KIAA0232: variants seen among roughly 807,000 people sequenced by gnomAD.
KIAA0232 encodes the protein uncharacterized protein KIAA0232.
Under a neutral mutation model 122.0 loss-of-function variants are expected in KIAA0232, and 27 were observed. The observed-to-expected ratio is 0.22, with a 90% CI of 0.16 to 0.31. The LOEUF (loss-of-function observed/expected upper bound fraction) is 0.31. Ranked by LOEUF, KIAA0232 falls within the 10% of genes least tolerant of loss-of-function variation. The pLI is 1.00. For missense variants in KIAA0232, 1,551 were observed against 1,634.2 expected, an observed-to-expected ratio of 0.95 and a Z score of 0.88; for synonymous variants, 613 against 587.6, an observed-to-expected ratio of 1.04 and a Z score of -0.63.
At chr4:6,851,974 G>A (rs73796354) in intron 4 of KIAA0232, among the ~76,000 whole-genome samples, 142 of 152,094 alleles carry the variant, frequency 9.3e-4, no homozygotes, top group African/African-American at 3.1e-3. Flanking sequence ...TCTAAGCCTC[G>A]ATTGGTCATA....
intron 2 of KIAA0232, among the ~76,000 whole-genome samples, chr4:6,815,789 T>G (rs973367770): frequency 6.6e-6 from 1 of 152,186 alleles, no homozygotes; most frequent in Non-Finnish European, 1.5e-5. Flanking sequence ...CAATCAGATT[T>G]TGGACAAGTT....
chr4:6,877,561 G>A (rs1171550185), intron 9 of KIAA0232, among the ~76,000 whole-genome samples: 1 of 152,138 alleles, frequency 6.6e-6, no homozygotes, highest in Non-Finnish European at 1.5e-5. Flanking sequence ...GCAAGCTGAG[G>A]AGGAAGGAGA....
At chr4:6,807,040 ATCTATC>A (rs1717652204) in intron 2 of KIAA0232, among the ~76,000 whole-genome samples, 2 of 112,898 alleles carry the variant, frequency 1.8e-5, no homozygotes, top group African/African-American at 6.5e-5. Flanking sequence ...CTGTCTATCT[ATCTATC>A]TATCTATCTA....
chr4:6,789,172 C>A (rs946204954), intron 1 of KIAA0232, among the ~76,000 whole-genome samples: 7 of 151,890 alleles, frequency 4.6e-5, no homozygotes, highest in Non-Finnish European at 1.0e-4. Flanking sequence ...TGGGTTTCAC[C>A]GTGTTAGCCA....
rs375010802 is a variant in KIAA0232, at chr4:6,791,213, C to T, written c.-354+8372C>T. 4.6e-5 allele frequency among the ~76,000 whole-genome samples: 7 copies of T among 151,334 alleles called. No homozygotes were observed. The East Asian group carries it at 5.8e-4, about 13-fold the overall frequency. On this transcript the variant is annotated intron_variant, in intron 1 of 9. Transcript: ENST00000307659. ...GGATTACAGGCATGAGCCACCGTGC[C>T]TGGCCTGTTTTTATATACTTTAAAG...
At chr4:6,876,778 C>G (rs1269762622) in intron 9 of KIAA0232, 21 bp downstream of exon 9, 1 of 1,520,548 alleles carries the variant, frequency 6.6e-7, no homozygotes, top group Non-Finnish European at 9.1e-7. Context: ...TGTCCTCCTC[C>G]TCGTCATTAA....
chr4:6,798,441 T>C (rs558806565), intron 1 of KIAA0232, among the ~76,000 whole-genome samples: 1 of 152,336 alleles, frequency 6.6e-6, no homozygotes, highest in Non-Finnish European at 1.5e-5. Flanking sequence ...TAGTGTAGCA[T>C]TGGCTACTAC....
At chr4:6,796,249 T>C (rs973360509) in intron 1 of KIAA0232, among the ~76,000 whole-genome samples, 1 of 149,636 alleles carries the variant, frequency 6.7e-6, no homozygotes, top group Non-Finnish European at 1.5e-5. Flanking sequence ...ATATTGTTCT[T>C]TTTTTTTTTG....
chr4:6,839,518 A>T (rs1490560352), intron 3 of KIAA0232, among the ~76,000 whole-genome samples: 1 of 152,246 alleles, frequency 6.6e-6, no homozygotes, highest in African/African-American at 2.4e-5. Flanking sequence ...AAAACTAGGG[A>T]TGGTCCCTGA....
At position 6,800,680 on chromosome 4, in the gene KIAA0232, C is replaced by CAA. The variant is rs113651133; in HGVS notation, c.-353-3832_-353-3831dup. Among the ~76,000 whole-genome samples the CAA allele has an allele frequency of 6.0e-3, 772 of 129,038 alleles. 5 individuals carry two copies. Among genetic ancestry groups the CAA allele is most frequent in the African/African-American group, 0.021 (739 of 35,632 alleles). 84.7% of individuals were successfully genotyped at this position (129,038 alleles called of 152,430 possible). ...TGGGCGACAGAGGGAAACTCCGTCT[C>CAA]AAAAAAAAAAAAGAAAATTTGGAGG... is the stretch of plus-strand genomic sequence containing the variant. On this transcript the variant is annotated intron_variant, in intron 1 of 9. Coordinates refer to ENST00000307659, the MANE Select transcript of KIAA0232 (RefSeq NM_014743.3).
At chr4:6,791,911 GA>G (rs1560159265) in intron 1 of KIAA0232, among the ~76,000 whole-genome samples, 1 of 152,128 alleles carries the variant, frequency 6.6e-6, no homozygotes, top group Non-Finnish European at 1.5e-5. Flanking sequence ...GAATCATGGG[GA>G]CAGGTCTTTC....
intron 1 of KIAA0232, among the ~76,000 whole-genome samples, chr4:6,789,269 C>A (rs1260434533): frequency 6.6e-6 from 1 of 151,160 alleles, no homozygotes. Context: ...CCATGCCCGG[C>A]CTTTTCTTTT....
In KIAA0232 at chr4:6,854,904, C is replaced by T. The variant is rs950164426; in HGVS notation, c.370-2260C>T. ...ACTGAAATTTGATTATTAATATTTT[C>T]TAATGGTTTATATAATTGGGAAAGT... On this transcript the variant is annotated intron_variant, in intron 4 of 9. Transcript: ENST00000307659. Among the ~76,000 whole-genome samples the T allele has an allele frequency of 2.0e-5, 3 of 151,950 alleles. No homozygotes were observed. The South Asian group carries it at 6.2e-4, about 32-fold the overall frequency.
At chr4:6,821,058 TTACCTCTTAA>T (rs1718399608) in intron 2 of KIAA0232, among the ~76,000 whole-genome samples, 1 of 152,208 alleles carries the variant, frequency 6.6e-6, no homozygotes, top group Non-Finnish European at 1.5e-5. Context: ...CTTAAAGGTC[TTACCTCTTAA>T]TACCATCACA....
Position 6,857,434 on chromosome 4 carries a change from T to C in KIAA0232, c.436+204T>C, listed in dbSNP as rs184564967. ...CAGACCCAGCAGTCACTCATAGAGA[T>C]TCCTGCAACCAAGGGAGGGACTTAG... is the stretch of plus-strand genomic sequence containing the variant. On this transcript the variant is annotated intron_variant, in intron 5 of 9. Coordinates refer to ENST00000307659, the MANE Select transcript of KIAA0232 (RefSeq NM_014743.3). Among the ~76,000 whole-genome samples the C allele has an allele frequency of 4.1e-4, 62 of 152,314 alleles. 1 individual carries two copies. The South Asian group carries it at 0.011, about 26-fold the overall frequency.
At chr4:6,854,390 C>T (rs1421252293) in intron 4 of KIAA0232, among the ~76,000 whole-genome samples, 1 of 152,160 alleles carries the variant, frequency 6.6e-6, no homozygotes, top group Non-Finnish European at 1.5e-5. Flanking sequence ...AGCCCCAAAC[C>T]CAAATACATT....
At position 6,876,742 on chromosome 4, in the gene KIAA0232, G is replaced by C. The variant is rs746263528; in HGVS notation, c.3993G>C (p.Leu1331=). 23 of 1,609,154 alleles carry C rather than the reference G, an allele frequency of 1.4e-5. No homozygotes were observed. The South Asian group carries it at 2.4e-4, about 17-fold the overall frequency. The change falls in exon 9 of 10, where the codon CTG becomes CTC. Residue 1331 remains leucine (L), a synonymous_variant. Transcript: ENST00000307659. ...AGACACCCAGTAATGAAGAGCGCCTGTTAGATTTTAATAGGGTAAGTGGAC... is the reference window on the plus strand; with the variant it reads ...AGACACCCAGTAATGAAGAGCGCCTCTTAGATTTTAATAGGGTAAGTGGAC... ...AKETPSNEER[L]LDFNRVSSVY...
At chr4:6,788,715 G>A (rs983516019) in intron 1 of KIAA0232, among the ~76,000 whole-genome samples, 1 of 152,202 alleles carries the variant, frequency 6.6e-6, no homozygotes, top group African/African-American at 2.4e-5. Flanking sequence ...TACAGTCTCT[G>A]ATTTCAGGAG....
At chr4:6,803,286 T>C (rs1717472416) in intron 1 of KIAA0232, among the ~76,000 whole-genome samples, 1 of 151,678 alleles carries the variant, frequency 6.6e-6, no homozygotes, top group Admixed American at 6.6e-5. Context: ...AAATATTCCA[T>C]GAGTAGTTGG....
Sources: allele counts gnomAD v4.1 joint callset (sites outside exome capture counted in the v4.1 genomes callset), GRCh38; gene constraint gnomAD v4.1.1; transcripts MANE v1.5; gene names NCBI Gene and HGNC (gene_info 2026-07-23, HGNC 2026-07-21).